The following CYLC1 variants were observed in gnomAD, a reference collection of about 807,000 sequenced individuals.
CYLC1 encodes cylicin 1, also known as cylicin-1.
Under a neutral mutation model 31.6 loss-of-function variants are expected in CYLC1, and 2 were observed. The observed-to-expected ratio is 0.06, with a 90% CI of 0.03 to 0.20. The LOEUF (loss-of-function observed/expected upper bound fraction) is 0.20, where lower values mean the gene tolerates loss of function less well. CYLC1 is among the 10% of genes least tolerant of loss of function. The pLI, the probability that CYLC1 is intolerant of heterozygous loss-of-function variation, is 1.00. For missense variants in CYLC1, 595 were observed against 424.1 expected, an observed-to-expected ratio of 1.40 and a Z score of -3.54; for synonymous variants, 185 against 153.0, an observed-to-expected ratio of 1.21 and a Z score of -1.54.
Position 83,873,392 on chromosome X carries a change from G to C in CYLC1, c.684G>C (p.Lys228Asn). The change falls in exon 4 of 5, where the codon AAG becomes AAC. Residue 228 changes from lysine (K) to asparagine (N), a missense_variant. Coordinates refer to ENST00000329312, the MANE Select transcript of CYLC1 (RefSeq NM_021118.3). ...NNPKKDLKRS[K>N]TSNDPISEIC... ...CAAAGAAAGATTTGAAGAGGTCAAAGACTAGTAATGATCCCATATCAGAGA... is the reference window on the plus strand; with the variant it reads ...CAAAGAAAGATTTGAAGAGGTCAAACACTAGTAATGATCCCATATCAGAGA... 8.3e-7 allele frequency: 1 copy of C among 1,203,681 alleles called. No homozygotes were observed. The highest frequency in any genetic ancestry group is 1.1e-6 in the Non-Finnish European group (1 of 890,561).
intron 4 of CYLC1, among the ~76,000 whole-genome samples, chrX:83,877,565 T>C (rs1172395514): frequency 9.1e-6 from 1 of 109,841 alleles, no homozygotes; most frequent in Non-Finnish European, 1.9e-5. Flanking sequence ...GATTGTTTTC[T>C]TGCAAAGCCT....
intron 3 of CYLC1, 44 bp downstream of exon 3, chrX:83,871,614 G>T (rs1057147989): frequency 1.8e-6 from 2 of 1,109,911 alleles, no homozygotes; most frequent in East Asian, 6.2e-5. Flanking sequence ...ATCTAAGTTG[G>T]TAAAGCATAT....
At chrX:83,864,587 A>C in intron 1 of CYLC1, 1 of 196,064 alleles carries the variant, frequency 5.1e-6, no homozygotes. Flanking sequence ...AATTGAATGC[A>C]TATATATGGT....
rs373373648 is a variant in CYLC1, at chrX:83,873,540, T to C, written c.832T>C (p.Leu278=). 6 of 1,194,996 alleles carry C rather than the reference T, an allele frequency of 5.0e-6. No homozygotes were observed. In the African/African-American group the frequency reaches 1.1e-4, roughly 21 times the overall value. ...ACAGAATAATTCAAAGAATTATTCTTTGAAGTATACAAAGTATACAAAGAA... is the reference window on the plus strand; with the variant it reads ...ACAGAATAATTCAAAGAATTATTCTCTGAAGTATACAAAGTATACAAAGAA... The part of the protein sequence containing the change: ...YSQNNSKNYS[L]KYTKYTKKDT... The change falls in exon 4 of 5, where the codon TTG becomes CTG. Residue 278 remains leucine (L), a synonymous_variant. Coordinates refer to ENST00000329312, the MANE Select transcript of CYLC1 (RefSeq NM_021118.3).
chrX:83,877,768 T>C (rs1164466279), intron 4 of CYLC1, among the ~76,000 whole-genome samples: 1 of 102,134 alleles, frequency 9.8e-6, no homozygotes, highest in African/African-American at 3.5e-5. Flanking sequence ...ATTATTTGGC[T>C]TCACTGAATT....
intron 1 of CYLC1, among the ~76,000 whole-genome samples, chrX:83,862,375 C>CA (rs754165765): frequency 0.23 from 13,568 of 58,813 alleles, 1,199 homozygotes; most frequent in East Asian, 0.51. Flanking sequence ...ACTAAAAATA[C>CA]AAAAAAAAAA....
chrX:83,870,739 G>A (rs932009897), intron 2 of CYLC1, among the ~76,000 whole-genome samples: 20 of 110,885 alleles, frequency 1.8e-4, no homozygotes, highest in Non-Finnish European at 2.9e-4. Flanking sequence ...TATAGTAACC[G>A]TATCTCTGGT....
chrX:83,875,316 A>G (rs1483344189), intron 4 of CYLC1, among the ~76,000 whole-genome samples: 1 of 111,458 alleles, frequency 9.0e-6, no homozygotes, highest in Non-Finnish European at 1.9e-5. Context: ...CCCTTCCCCA[A>G]TAGTCTGATT....
rs766321569 is a variant in CYLC1, at chrX:83,864,394, C to A, written c.17+3195C>A. ...CATCAGTGTTCAAAAAAAGTAGTAACTCCTACCACTTAAAAATCCCTTTTC... is the reference window on the plus strand; with the variant it reads ...CATCAGTGTTCAAAAAAAGTAGTAAATCCTACCACTTAAAAATCCCTTTTC... On this transcript the variant is annotated intron_variant, in intron 1 of 4. Transcript: ENST00000329312. 4.5e-5 allele frequency among the ~76,000 whole-genome samples: 5 copies of A among 110,853 alleles called. No homozygotes were observed. The Admixed American group carries it at 4.8e-4, about 11-fold the overall frequency.
chrX:83,884,654 A>G (rs915677106), intron 4 of CYLC1, among the ~76,000 whole-genome samples: 5 of 112,020 alleles, frequency 4.5e-5, no homozygotes, highest in African/African-American at 1.3e-4. Context: ...AACAAACACT[A>G]AATTATAAAA....
chrX:83,862,500 G>A (rs1466122861), intron 1 of CYLC1, among the ~76,000 whole-genome samples: 2 of 111,027 alleles, frequency 1.8e-5, no homozygotes, highest in African/African-American at 3.3e-5. Flanking sequence ...CAGAGATCGC[G>A]CCACTGCACT....
intron 4 of CYLC1, among the ~76,000 whole-genome samples, chrX:83,877,712 C>G (rs1048857793): frequency 9.6e-6 from 1 of 104,065 alleles, no homozygotes; most frequent in Non-Finnish European, 1.9e-5. Context: ...TTATGTTACC[C>G]TCTCATCCAC....
At chrX:83,879,626 C>T (rs1307459843) in intron 4 of CYLC1, among the ~76,000 whole-genome samples, 2 of 110,700 alleles carry the variant, frequency 1.8e-5, no homozygotes, top group African/African-American at 6.6e-5. Flanking sequence ...CACTTTCACC[C>T]ATCGCTTTTT....
At chrX:83,879,890 G>T (rs2031885752) in intron 4 of CYLC1, among the ~76,000 whole-genome samples, 1 of 111,699 alleles carries the variant, frequency 9.0e-6, no homozygotes, top group Non-Finnish European at 1.9e-5. Flanking sequence ...AGCAATAGTT[G>T]TTACAGCTCC....
At chrX:83,875,283 A>T (rs751983727) in intron 4 of CYLC1, among the ~76,000 whole-genome samples, 9 of 111,329 alleles carry the variant, frequency 8.1e-5, no homozygotes, top group South Asian at 7.4e-4. Flanking sequence ...TACTTCTCTC[A>T]TCCAGGAGTC....
At chrX:83,867,918 T>A (rs2031613026) in intron 1 of CYLC1, among the ~76,000 whole-genome samples, 1 of 111,657 alleles carries the variant, frequency 9.0e-6, no homozygotes, top group Non-Finnish European at 1.9e-5. Context: ...AATTGTTGAA[T>A]GAAAAATTTA....
In CYLC1 at chrX:83,864,639, T is replaced by C. The variant is rs1006889389; in HGVS notation, c.17+3440T>C. On this transcript the variant is annotated intron_variant, in intron 1 of 4. Transcript: ENST00000329312. ...ACAAAAGGAGAGTTGGCAAAATTCA[T>C]TCTCCTATACTAGATTCCCAGACCC... The C allele has an allele frequency of 1.9e-5, 5 of 264,211 alleles. No homozygotes were observed. The East Asian group carries it at 6.8e-4, about 36-fold the overall frequency. 21.8% of individuals were successfully genotyped at this position (264,211 alleles called of 1,213,427 possible).
At position 83,869,754 on chromosome X, in the gene CYLC1, G is replaced by A. The variant is rs2031638184; in HGVS notation, c.18-111G>A. The A allele has an allele frequency of 6.1e-6, 2 of 327,909 alleles. 1 individual carries two copies. The highest frequency in any genetic ancestry group is 2.6e-3 in the Middle Eastern group (2 of 771). The allele number at this position is 327,909 out of a possible 1,213,427, so 27.0% of individuals were successfully genotyped here. On this transcript the variant is annotated intron_variant, in intron 1 of 4. Coordinates refer to ENST00000329312, the MANE Select transcript of CYLC1 (RefSeq NM_021118.3). ...AGTTCCAAATCACTGATTAAACATAGCATTGGGCTTTGTTTTTTTAGAAAT... is the reference window on the plus strand; with the variant it reads ...AGTTCCAAATCACTGATTAAACATAACATTGGGCTTTGTTTTTTTAGAAAT...
At chrX:83,862,547 A>AAAAAG (rs771892261) in intron 1 of CYLC1, among the ~76,000 whole-genome samples, 51 of 111,911 alleles carry the variant, frequency 4.6e-4, no homozygotes, top group Non-Finnish European at 7.9e-4. Context: ...CGTCTCAAAA[A>AAAAAG]AAAAGAAAAG....
Sources: gnomAD v4.1 joint callset for allele counts (sites outside exome capture counted in the v4.1 genomes callset) on GRCh38, gnomAD v4.1.1 for gene constraint, MANE v1.5 for transcripts, NCBI Gene and HGNC (gene_info 2026-07-23, HGNC 2026-07-21) for gene names.